The following NPAS3 variants were observed in gnomAD, a reference collection of about 807,000 sequenced individuals.
NPAS3 encodes the protein neuronal PAS domain protein 3, also known as neuronal PAS domain-containing protein 3.
NPAS3 carries 14 observed loss-of-function variants against 73.1 expected under a neutral mutation model. That is an observed-to-expected ratio of 0.19 (90% CI 0.13 to 0.30). The LOEUF (loss-of-function observed/expected upper bound fraction) is 0.30. NPAS3 is among the 10% of genes least tolerant of loss of function. NPAS3 has a pLI of 1.00. For missense variants in NPAS3, 1,096 were observed against 1,250.0 expected (o/e 0.88, Z 1.86); for synonymous variants, 620 against 541.5 (o/e 1.14, Z -2.01).
intron 2 of NPAS3, among the ~76,000 whole-genome samples, chr14:33,059,906 A>C (rs994009717): frequency 2.0e-5 from 3 of 151,980 alleles, no homozygotes; most frequent in Non-Finnish European, 2.9e-5. Context: ...TCAAGCTCCC[A>C]AGTAGCTAAG....
chr14:33,372,530 G>A (rs1405610759), intron 4 of NPAS3, among the ~76,000 whole-genome samples: 1 of 152,154 alleles, frequency 6.6e-6, no homozygotes, highest in Admixed American at 6.6e-5. Context: ...CAAGGCCCAG[G>A]CTGTGTATTG....
intron 2 of NPAS3, among the ~76,000 whole-genome samples, chr14:33,090,996 C>T (rs962419799): frequency 1.3e-4 from 20 of 152,174 alleles, no homozygotes; most frequent in South Asian, 6.2e-4. Flanking sequence ...AGCTGTGTGT[C>T]GACGGAAATT....
chr14:33,466,275 C>A (rs2139556680), intron 4 of NPAS3, among the ~76,000 whole-genome samples: 1 of 152,272 alleles, frequency 6.6e-6, no homozygotes, highest in East Asian at 1.9e-4. Flanking sequence ...CTGCTGGAGA[C>A]CCCTGTCTTT....
At chr14:33,210,183 T>A (rs1201695459) in intron 2 of NPAS3, among the ~76,000 whole-genome samples, 1 of 152,192 alleles carries the variant, frequency 6.6e-6, no homozygotes, top group Non-Finnish European at 1.5e-5. Flanking sequence ...CCACAAAGGA[T>A]AACTTACCTC....
intron 2 of NPAS3, among the ~76,000 whole-genome samples, chr14:33,189,921 C>T (rs890626338): frequency 1.3e-5 from 2 of 152,134 alleles, no homozygotes; most frequent in African/African-American, 4.8e-5. Flanking sequence ...TGGTCATTGT[C>T]AAATAGCCAA....
chr14:33,383,893 C>T (rs1157091020), intron 4 of NPAS3, among the ~76,000 whole-genome samples: 1 of 152,042 alleles, frequency 6.6e-6, no homozygotes, highest in Non-Finnish European at 1.5e-5. Flanking sequence ...TAATCTGCCG[C>T]TATATTTGCA....
intron 1 of NPAS3, among the ~76,000 whole-genome samples, chr14:33,028,485 A>T (rs576143017): frequency 7.2e-5 from 11 of 152,348 alleles, no homozygotes; most frequent in African/African-American, 2.4e-4. Flanking sequence ...TGTGCTATAG[A>T]CATTATTCTC....
intron 2 of NPAS3, among the ~76,000 whole-genome samples, chr14:33,204,209 C>T (rs1171268460): frequency 6.6e-6 from 1 of 152,166 alleles, no homozygotes; most frequent in Non-Finnish European, 1.5e-5. Context: ...TGTTGTCTCA[C>T]TTTAAACGTT....
intron 6 of NPAS3, among the ~76,000 whole-genome samples, chr14:33,734,824 T>C (rs1245701511): frequency 6.6e-6 from 1 of 152,136 alleles, no homozygotes; most frequent in Non-Finnish European, 1.5e-5. Flanking sequence ...TTCCTTACCC[T>C]TTATCAGAAG....
chr14:33,142,112 G>T (rs1045440978), intron 2 of NPAS3, among the ~76,000 whole-genome samples: 1 of 150,172 alleles, frequency 6.7e-6, no homozygotes. Context: ...GGTTATTAAG[G>T]CTGTAACATT....
At chr14:33,323,518 G>A (rs1483005424) in intron 3 of NPAS3, among the ~76,000 whole-genome samples, 1 of 152,182 alleles carries the variant, frequency 6.6e-6, no homozygotes, top group Non-Finnish European at 1.5e-5. Context: ...TGAATACGTG[G>A]AAGATGGTAA....
intron 6 of NPAS3, among the ~76,000 whole-genome samples, chr14:33,714,887 A>C (rs1291331496): frequency 6.6e-6 from 1 of 152,202 alleles, no homozygotes. Flanking sequence ...CTGATGTACA[A>C]AGTGATGCTA....
rs1173159511 is a variant in NPAS3 at position 32,995,675 on chromosome 14, C to T, written c.50+56309C>T. Reference sequence around the variant, plus strand: ...TTTTAAAAGTGGGAGTTTCTCTGTACAGGCTTTCTCTTTTCCTGCTGCCAT... The same window carrying T: ...TTTTAAAAGTGGGAGTTTCTCTGTATAGGCTTTCTCTTTTCCTGCTGCCAT... On this transcript the variant is annotated intron_variant, in intron 1 of 11. Coordinates refer to ENST00000356141, the Ensembl canonical transcript of NPAS3. Among the ~76,000 whole-genome samples, 7 of 152,216 alleles carry T rather than the reference C, an allele frequency of 4.6e-5. No homozygotes were observed. In the South Asian group the frequency reaches 6.2e-4, roughly 14 times the overall value.
At chr14:33,715,225 G>A (rs1330287277) in intron 6 of NPAS3, among the ~76,000 whole-genome samples, 1 of 152,126 alleles carries the variant, frequency 6.6e-6, no homozygotes, top group Non-Finnish European at 1.5e-5. Context: ...AGCTGGCTCT[G>A]ATTGTGCCTT....
chr14:33,317,369 A>G (rs1391675728), intron 3 of NPAS3, among the ~76,000 whole-genome samples: 2 of 152,090 alleles, frequency 1.3e-5, no homozygotes, highest in African/African-American at 4.8e-5. Context: ...CCCACTTTAC[A>G]GATGAGTAAA....
intron 2 of NPAS3, among the ~76,000 whole-genome samples, chr14:33,134,512 A>G (rs2043762721): frequency 6.6e-6 from 1 of 152,204 alleles, no homozygotes; most frequent in South Asian, 2.1e-4. Context: ...CTTAGTTAAA[A>G]CAACAGCATA....
chr14:33,480,351 A>T (rs2051254934), intron 4 of NPAS3, among the ~76,000 whole-genome samples: 1 of 152,216 alleles, frequency 6.6e-6, no homozygotes, highest in Admixed American at 6.5e-5. Context: ...GTGAGGATTC[A>T]GTCATGCGCT....
chr14:33,683,892 T>A (rs1226302463), intron 6 of NPAS3, among the ~76,000 whole-genome samples: 1 of 152,236 alleles, frequency 6.6e-6, no homozygotes, highest in African/African-American at 2.4e-5. Context: ...TCTTGGTGTA[T>A]GCAGAGCACA....
intron 1 of NPAS3, among the ~76,000 whole-genome samples, chr14:33,049,252 T>C (rs984071689): frequency 1.3e-5 from 2 of 152,256 alleles, no homozygotes; most frequent in African/African-American, 4.8e-5. Flanking sequence ...GTAAGTGTTT[T>C]ACATCACCAT....
Sources: gnomAD v4.1 joint callset for allele counts (sites outside exome capture counted in the v4.1 genomes callset) on GRCh38, gnomAD v4.1.1 for gene constraint, MANE v1.5 for transcripts, NCBI Gene and HGNC (gene_info 2026-07-23, HGNC 2026-07-21) for gene names.